HCN4: variants seen among roughly 807,000 people sequenced by gnomAD.
HCN4 encodes potassium/sodium hyperpolarization-activated cyclic nucleotide-gated channel 4.
In HCN4, 29 loss-of-function variants were observed where a neutral mutation model predicts 76.9. The observed-to-expected ratio is 0.38, with a 90% CI of 0.28 to 0.51. HCN4 has a LOEUF of 0.51. HCN4 is among the 20% of genes least tolerant of loss of function. HCN4 has a pLI of 0.90. For missense variants in HCN4, 1,416 were observed against 1,715.2 expected, an observed-to-expected ratio of 0.83 and a Z score of 3.08; for synonymous variants, 772 against 762.5, an observed-to-expected ratio of 1.01 and a Z score of -0.21.
chr15:73,348,823 C>G (rs561544404), intron 1 of HCN4, among the ~76,000 whole-genome samples: 3 of 152,200 alleles, frequency 2.0e-5, no homozygotes, highest in Non-Finnish European at 4.4e-5. Flanking sequence ...ACTTTGCAGA[C>G]AGCTCCCACT....
chr15:73,344,728 TGAG>T (rs2043022526), intron 1 of HCN4, among the ~76,000 whole-genome samples: 1 of 152,140 alleles, frequency 6.6e-6, no homozygotes, highest in African/African-American at 2.4e-5. Flanking sequence ...TTGAGCAGCA[TGAG>T]GAGGAGGCAC....
Position 73,322,959 on chromosome 15 carries a change from G to A in HCN4, c.3134C>T (p.Ala1045Val), listed in dbSNP as rs980750316. ...PRTFPSAPPR[A>V]SGSHGSLLLP... The stretch of plus-strand genomic sequence containing the variant: ...GAGCAAGGATCCGTGGGAGCCAGAG[G>A]CCCGGGGCGGGGCACTCGGGAAGGT... Residue 1045 changes from alanine to valine, a missense_variant, in exon 8 of 8, where the codon GCC (alanine) becomes GTC (valine). By Grantham distance (64) the Ala-to-Val change is moderately conservative (BLOSUM62 0). Coordinates refer to ENST00000261917, the MANE Select transcript of HCN4 (RefSeq NM_005477.3). 2.5e-5 allele frequency: 36 copies of A among 1,421,356 alleles called. No homozygotes were observed. Among genetic ancestry groups the A allele is most frequent in the Middle Eastern group, 2.0e-4 (1 of 5,014 alleles). The allele number at this position is 1,421,356 out of a possible 1,614,324, so 88.0% of individuals were successfully genotyped here.
At chr15:73,340,471 C>T (rs1252484258) in intron 2 of HCN4, among the ~76,000 whole-genome samples, 1 of 152,188 alleles carries the variant, frequency 6.6e-6, no homozygotes, top group African/African-American at 2.4e-5. Context: ...CCTGGTCCTA[C>T]ATTTCCACCT....
At chr15:73,357,627 C>T (rs552993976) in intron 1 of HCN4, among the ~76,000 whole-genome samples, 1 of 152,194 alleles carries the variant, frequency 6.6e-6, no homozygotes, top group East Asian at 1.9e-4. Context: ...TGCTGCATCA[C>T]TTCCCGGGAA....
At chr15:73,346,584 C>T (rs766569701) in intron 1 of HCN4, among the ~76,000 whole-genome samples, 5 of 152,132 alleles carry the variant, frequency 3.3e-5, no homozygotes, top group Non-Finnish European at 7.3e-5. Context: ...AGATGACAGA[C>T]CTATTTGCCT....
chr15:73,357,850 G>A (rs1460389908), intron 1 of HCN4, among the ~76,000 whole-genome samples: 1 of 152,100 alleles, frequency 6.6e-6, no homozygotes, highest in Non-Finnish European at 1.5e-5. Flanking sequence ...CCCAGGGACT[G>A]CAGAACTCTA....
At position 73,326,744 on chromosome 15, in the gene HCN4, G is replaced by A. The variant is rs138791847; in HGVS notation, c.1591-1300C>T. 9.4e-3 allele frequency among the ~76,000 whole-genome samples: 1,430 copies of A among 151,980 alleles called. 26 individuals are homozygous for A. The highest frequency in any genetic ancestry group is 0.033 in the African/African-American group (1,355 of 41,448). On this transcript the variant is annotated intron_variant, in intron 4 of 7. Transcript: ENST00000261917. ...TGACTCTGGCCCTAAAATAAACTCTGATGCATTTTCTTTTCTTTTTTTCTT... is the reference window on the plus strand; with the variant it reads ...TGACTCTGGCCCTAAAATAAACTCTAATGCATTTTCTTTTCTTTTTTTCTT...
intron 1 of HCN4, among the ~76,000 whole-genome samples, chr15:73,359,568 G>A (rs1345903961): frequency 6.6e-6 from 1 of 152,078 alleles, no homozygotes; most frequent in Non-Finnish European, 1.5e-5. Context: ...CAAGGGCACC[G>A]AAATTGGCTC....
At chr15:73,364,178 T>C (rs992107467) in intron 1 of HCN4, among the ~76,000 whole-genome samples, 1 of 152,128 alleles carries the variant, frequency 6.6e-6, no homozygotes, top group Non-Finnish European at 1.5e-5. Flanking sequence ...AGCTTCTGCC[T>C]GCCTCCATTA....
intron 1 of HCN4, among the ~76,000 whole-genome samples, chr15:73,350,928 G>A (rs1038784003): frequency 2.6e-5 from 4 of 151,922 alleles, no homozygotes; most frequent in Non-Finnish European, 5.9e-5. Flanking sequence ...CCACACTCTC[G>A]CTTTCGTGCC....
In HCN4 at chr15:73,320,676, A is replaced by G. The variant is rs2042851780; in HGVS notation, c.*1805T>C. 1 of 152,066 alleles carries G rather than the reference A, an allele frequency of 6.6e-6. No homozygotes were observed. Among genetic ancestry groups the G allele is most frequent in the Admixed American group, 6.6e-5 (1 of 15,252 alleles). 9.4% of individuals were successfully genotyped at this position (152,066 alleles called of 1,614,324 possible). On this transcript the variant is annotated 3_prime_UTR_variant, in exon 8 of 8. Transcript: ENST00000261917. ...TAGTTGCCAGGACTAAGCCCAGACA[A>G]TCCCTTACCCTATCACCCAAGGCCG...
intron 2 of HCN4, among the ~76,000 whole-genome samples, chr15:73,336,583 C>T (rs187029031): frequency 2.6e-5 from 4 of 152,240 alleles, no homozygotes; most frequent in East Asian, 3.9e-4. Flanking sequence ...CAATTGGTGT[C>T]GCTGTTCGTG....
rs2042894447 is a variant in HCN4, at chr15:73,325,552, C to T, written c.1591-108G>A. On this transcript the variant is annotated intron_variant, in intron 4 of 7. Transcript: ENST00000261917. This position sits in a 1 kb window ranked among gnomAD's most constrained non-coding sequence, Gnocchi z 7.4. ...TCCGGGCACCCACCCCGGGGGATTT[C>T]CTGGCTAAACTTGGTTCCTTGAGAT... 1.7e-6 allele frequency: 2 copies of T among 1,148,184 alleles called. No individual in the cohort carries two copies. The highest frequency in any genetic ancestry group is 2.6e-6 in the Non-Finnish European group (2 of 759,710). The allele number at this position is 1,148,184 out of a possible 1,614,324, so 71.1% of individuals were successfully genotyped here. A position where few individuals can be genotyped will look rare whatever the true frequency, so the allele number is the denominator to read the frequency against.
chr15:73,355,086 A>AT (rs1478484061), intron 1 of HCN4, among the ~76,000 whole-genome samples: 2 of 152,226 alleles, frequency 1.3e-5, no homozygotes, highest in Non-Finnish European at 2.9e-5. Context: ...AGGGGGCAGC[A>AT]TGCCCTGTTG....
In HCN4 at chr15:73,322,603, G is replaced by A. The variant is rs750255859; in HGVS notation, c.3490C>T (p.Pro1164Ser). Reference protein sequence around the residue: ...RKTSSGSLPPPLSLFGARATS... With the variant: ...RKTSSGSLPPSLSLFGARATS... Reference sequence around the variant, plus strand: ...GCTCTTGCCCCAAACAAAGACAGAGGGGGTGGCAAAGAACCTGAGGATGTC... The same window carrying A: ...GCTCTTGCCCCAAACAAAGACAGAGAGGGTGGCAAAGAACCTGAGGATGTC... Residue 1164 changes from proline (P) to serine (S), a missense_variant, in exon 8 of 8, where the codon CCT (proline) becomes TCT (serine). By Grantham distance (74) the Pro-to-Ser change is moderately conservative. Transcript: ENST00000261917. The A allele has an allele frequency of 1.9e-6, 3 of 1,611,594 alleles. No individual in the cohort carries two copies. Among genetic ancestry groups the A allele is most frequent in the Non-Finnish European group, 2.5e-6 (3 of 1,179,258 alleles).
chr15:73,322,514 C>T lies in HCN4; in HGVS notation c.3579G>A (p.Glu1193=), dbSNP rs1857641203. ...TGGATGGCAGTTTGGAGCGCACTGG[C>T]TCAGGCCTGGCCCCAGGTTCCCTCT... ...GPQREPGARP[E]PVRSKLPSNL is the part of the protein sequence containing the mutation. The change falls in exon 8 of 8, where the codon GAG becomes GAA. Residue 1193 remains glutamate, a synonymous_variant. Transcript: ENST00000261917. 13 of 1,602,006 alleles carry T rather than the reference C, an allele frequency of 8.1e-6. No individual in the cohort carries two copies. The highest frequency in any genetic ancestry group is 1.7e-5 in the Admixed American group (1 of 58,472).
intron 3 of HCN4, among the ~76,000 whole-genome samples, chr15:73,331,500 A>G (rs899070048): frequency 1.3e-5 from 2 of 152,070 alleles, no homozygotes; most frequent in African/African-American, 4.8e-5. Flanking sequence ...TCCTTTTGAG[A>G]CAGGATCTTG....
intron 4 of HCN4, among the ~76,000 whole-genome samples, chr15:73,326,123 G>A (rs1292990919): frequency 6.6e-6 from 1 of 152,122 alleles, no homozygotes; most frequent in African/African-American, 2.4e-5. Flanking sequence ...CCCTCACTGA[G>A]AGGAGTGGAC....
At chr15:73,345,144 C>T (rs1186891525) in intron 1 of HCN4, among the ~76,000 whole-genome samples, 1 of 152,234 alleles carries the variant, frequency 6.6e-6, no homozygotes, top group Non-Finnish European at 1.5e-5. Flanking sequence ...GTGCCCCTGC[C>T]TGCAGAGTTC....
Sources: gnomAD v4.1 joint callset for allele counts (sites outside exome capture counted in the v4.1 genomes callset) on GRCh38, gnomAD v4.1.1 for gene constraint, Gnocchi (gnomAD v3.1) non-coding constraint, MANE v1.5 for transcripts, NCBI Gene and HGNC (gene_info 2026-07-23, HGNC 2026-07-21) for gene names.